Variants in CBFA2T2 observed in about 807,000 individuals in gnomAD.
CBFA2T2 encodes the protein CBFA2/RUNX1 partner transcriptional co-repressor 2, also known as protein CBFA2T2.
Under a neutral mutation model 62.2 loss-of-function variants are expected in CBFA2T2, and 11 were observed. The observed-to-expected ratio is 0.18, with a 90% confidence interval of 0.11 to 0.29. The LOEUF is 0.29. Among genes scored for constraint, CBFA2T2 ranks in the 10% least tolerant of loss-of-function variants. The pLI is 1.00. For synonymous variants in CBFA2T2, 295 were observed against 287.5 expected (o/e 1.03, Z -0.27); for missense variants, 592 against 774.1 (o/e 0.76, Z 2.79).
intron 1 of CBFA2T2, among the ~76,000 whole-genome samples, chr20:33,546,331 A>G (rs952944062): frequency 6.6e-6 from 1 of 152,066 alleles, no homozygotes; most frequent in African/African-American, 2.4e-5. Context: ...CAGTTGGTAT[A>G]AATTTTCTTT....
rs377001188 is a variant in CBFA2T2 at position 33,571,172 on chromosome 20, AG to A, written c.35-35778del. 3.9e-4 allele frequency among the ~76,000 whole-genome samples: 59 copies of A among 152,296 alleles called. 1 individual carries two copies. Among genetic ancestry groups the A allele is most frequent in the African/African-American group, 1.4e-3 (57 of 41,552 alleles). ...AACAAATCTTTTTAAGTGGGTCTGG[AG>A]GGGGGACAGAGAATTGGTGATTTGT... On this transcript the variant is annotated intron_variant, in intron 1 of 10. Transcript: ENST00000342704.
At chr20:33,631,341 C>T (rs1798951384) in intron 8 of CBFA2T2, among the ~76,000 whole-genome samples, 1 of 152,284 alleles carries the variant, frequency 6.6e-6, no homozygotes, top group Middle Eastern at 3.4e-3. Context: ...ACTCCAAAAA[C>T]AGACAAAGCT....
intron 10 of CBFA2T2, among the ~76,000 whole-genome samples, chr20:33,641,049 T>TC (rs562261862): frequency 3.9e-5 from 6 of 152,056 alleles, no homozygotes; most frequent in Non-Finnish European, 8.8e-5. Context: ...CTTTTTTTTT[T>TC]TGAGACGGAG....
rs67124335 is a variant in CBFA2T2, at chr20:33,637,966, C to CTTTTT, written c.1297+1280_1297+1284dup. ...ACAGACGTGAGCCACTGCACCCGGC[C>CTTTTT]TTTTTTTTTTTTTTTTTTTTTTTTT... On this transcript the variant is annotated intron_variant, in intron 9 of 10. Coordinates refer to ENST00000342704, the MANE Select transcript of CBFA2T2 (RefSeq NM_001032999.3). 7.5e-5 allele frequency among the ~76,000 whole-genome samples: 5 copies of CTTTTT among 66,798 alleles called. 1 individual carries two copies. Among genetic ancestry groups the CTTTTT allele is most frequent in the Admixed American group, 5.8e-4 (3 of 5,202 alleles). The allele number at this position is 66,798 out of a possible 152,430, so 43.8% of individuals were successfully genotyped here.
rs764101572 is a variant in CBFA2T2, at chr20:33,623,247, G to C, written c.643G>C (p.Glu215Gln). Residue 215 changes from glutamate (E) to glutamine (Q), a missense_variant, in exon 5 of 11, where the codon GAG (glutamate) becomes CAG (glutamine). Transcript: ENST00000342704. ...TSIASPADSS[E>Q]LLMEVHGNGK... Reference sequence around the variant, plus strand: ...CATTGCATCGCCTGCTGACTCGTCAGAGTTGCTCATGGAGGTGCACGGAAA... The same window carrying C: ...CATTGCATCGCCTGCTGACTCGTCACAGTTGCTCATGGAGGTGCACGGAAA... 6.2e-7 allele frequency: 1 copy of C among 1,614,280 alleles called. No individual in the cohort carries two copies. Among genetic ancestry groups the C allele is most frequent in the Middle Eastern group, 1.6e-4 (1 of 6,062 alleles).
chr20:33,594,615 G>C (rs949732310), intron 1 of CBFA2T2, among the ~76,000 whole-genome samples: 1 of 152,062 alleles, frequency 6.6e-6, no homozygotes, highest in African/African-American at 2.4e-5. Flanking sequence ...TTTTTGAATC[G>C]TAGGAAAGCC....
At chr20:33,560,037 C>T (rs1355480126) in intron 1 of CBFA2T2, among the ~76,000 whole-genome samples, 2 of 152,172 alleles carry the variant, frequency 1.3e-5, no homozygotes, top group African/African-American at 4.8e-5. Context: ...AAGTGAAAGA[C>T]CCACCTTGTT....
At chr20:33,618,737 G>GA (rs1224245464) in intron 3 of CBFA2T2, among the ~76,000 whole-genome samples, 1 of 152,038 alleles carries the variant, frequency 6.6e-6, no homozygotes, top group African/African-American at 2.4e-5. Context: ...ATGAACTTTT[G>GA]AAAAAATGTG....
intron 2 of CBFA2T2, among the ~76,000 whole-genome samples, chr20:33,608,981 A>T (rs1170530076): frequency 6.6e-6 from 1 of 152,170 alleles, no homozygotes; most frequent in Non-Finnish European, 1.5e-5. Flanking sequence ...TAGCTTTACT[A>T]ATTTTCTTTA....
intron 1 of CBFA2T2, among the ~76,000 whole-genome samples, chr20:33,591,610 T>A (rs1022070353): frequency 1.2e-4 from 19 of 152,186 alleles, no homozygotes; most frequent in African/African-American, 4.6e-4. Context: ...TGTGGTTACC[T>A]TACTACTTGA....
rs2011136893 is a variant in CBFA2T2, at chr20:33,490,301, C to T, written c.34C>T (p.Leu12Phe). 2.3e-6 allele frequency: 3 copies of T among 1,280,884 alleles called. No homozygotes were observed. Among genetic ancestry groups the T allele is most frequent in the African/African-American group, 1.5e-5 (1 of 65,634 alleles). 79.3% of individuals were successfully genotyped at this position (1,280,884 alleles called of 1,614,324 possible). ...VGVPGAAAFQ[L>F]GPEKRVPAMP... The stretch of plus-strand genomic sequence containing the variant: ...CGTCCCTGGAGCGGCCGCCTTCCAG[C>T]GTAAGTGGGGCGTGAATGCGGGCGG... The change falls in exon 1 of 11, where the codon CTT becomes TTT. Residue 12 changes from leucine to phenylalanine, a missense_variant and splice_region_variant. Around this residue, in one of 3 missense-constraint regions of CBFA2T2, gnomAD observed 449 missense variants for 551.2 expected, o/e 0.81. Coordinates refer to ENST00000342704, the MANE Select transcript of CBFA2T2 (RefSeq NM_001032999.3).
At chr20:33,591,482 A>AG (rs1342518791) in intron 1 of CBFA2T2, among the ~76,000 whole-genome samples, 8 of 147,972 alleles carry the variant, frequency 5.4e-5, no homozygotes, top group African/African-American at 7.7e-5. Context: ...AAAAAAAAAA[A>AG]AAAGAAAAAA....
chr20:33,498,367 TCA>T (rs1188014456), intron 1 of CBFA2T2, among the ~76,000 whole-genome samples: 1 of 151,528 alleles, frequency 6.6e-6, no homozygotes, highest in Non-Finnish European at 1.5e-5. Flanking sequence ...TTGTCCTGCC[TCA>T]GCTTCCCAAG....
chr20:33,518,282 C>G (rs577503669), intron 1 of CBFA2T2, among the ~76,000 whole-genome samples: 7 of 152,182 alleles, frequency 4.6e-5, no homozygotes, highest in African/African-American at 1.7e-4. Context: ...GTTAATGATC[C>G]ATGCACCAAA....
intron 1 of CBFA2T2, among the ~76,000 whole-genome samples, chr20:33,555,847 C>T (rs2012883258): frequency 6.6e-6 from 1 of 152,056 alleles, no homozygotes; most frequent in Admixed American, 6.6e-5. Flanking sequence ...TCTTCCTTGC[C>T]TTTCCCCTTT....
At chr20:33,587,933 A>T (rs1303336343) in intron 1 of CBFA2T2, among the ~76,000 whole-genome samples, 1 of 152,242 alleles carries the variant, frequency 6.6e-6, no homozygotes, top group Non-Finnish European at 1.5e-5. Flanking sequence ...AAATTGCATT[A>T]GAAAATTTTG....
rs112219804 is a variant in CBFA2T2 at position 33,637,087 on chromosome 20, C to T, written c.1297+379C>T. ...CTACTGCCACATTTGTGCCCAAATT[C>T]TGCTCTGGGCACAGCTCTGTAATCC... On this transcript the variant is annotated intron_variant, in intron 9 of 10. Transcript: ENST00000342704. Among the ~76,000 whole-genome samples the T allele has an allele frequency of 3.2e-3, 482 of 152,316 alleles. 1 individual carries two copies. The highest frequency in any genetic ancestry group is 0.017 in the Middle Eastern group (5 of 294).
intron 10 of CBFA2T2, among the ~76,000 whole-genome samples, chr20:33,641,565 T>G (rs2016838636): frequency 6.6e-6 from 1 of 152,200 alleles, no homozygotes; most frequent in African/African-American, 2.4e-5. Flanking sequence ...TCTCATCTAC[T>G]GGATGGGAGA....
At chr20:33,500,366 C>T (rs2011258407) in intron 1 of CBFA2T2, among the ~76,000 whole-genome samples, 6 of 151,752 alleles carry the variant, frequency 4.0e-5, no homozygotes, top group Admixed American at 3.9e-4. Flanking sequence ...AATTGATTTC[C>T]CATAATCTTT....
Sources: gnomAD v4.1 joint callset for allele counts (sites outside exome capture counted in the v4.1 genomes callset) on GRCh38, gnomAD v4.1.1 for gene constraint, gnomAD v4.1.1 regional missense constraint, MANE v1.5 for transcripts, NCBI Gene and HGNC (gene_info 2026-07-23, HGNC 2026-07-21) for gene names.